Variants in WARS1 observed in about 807,000 individuals in gnomAD.
WARS1 encodes tryptophanyl-tRNA synthetase 1.
In WARS1, 17 loss-of-function variants were observed where a neutral mutation model predicts 47.8. The observed-to-expected ratio is 0.36, with a 90% confidence interval of 0.24 to 0.53. WARS1 has a LOEUF of 0.53. Ranked by LOEUF, WARS1 falls within the 20% of genes least tolerant of loss-of-function variation. The probability of loss-of-function intolerance (pLI) is 0.91; values close to 1 mark genes in which losing one functional copy is unlikely to be tolerated. For synonymous variants in WARS1, 208 were observed against 228.1 expected, an observed-to-expected ratio of 0.91 and a Z score of 0.79; for missense variants, 434 against 608.0, an observed-to-expected ratio of 0.71 and a Z score of 3.01.
chr14:100,356,400 G>GC (rs879770768), intron 4 of WARS1, among the ~76,000 whole-genome samples: 1 of 118,514 alleles, frequency 8.4e-6, no homozygotes, highest in Admixed American at 7.6e-5. Flanking sequence ...TGTGTGTGTG[G>GC]GGGGGGGTGT....
Position 100,336,942 on chromosome 14 carries a change from C to G in WARS1, c.1254+120G>C. The G allele has an allele frequency of 2.9e-6, 4 of 1,387,216 alleles. No individual in the cohort carries two copies. In the South Asian group the frequency reaches 5.7e-5, roughly 20 times the overall value. The allele number at this position is 1,387,216 out of a possible 1,614,324, so 85.9% of individuals were successfully genotyped here. ...GAGGGCGAGTCTACTCAGTTTTCACCTTGTTTCAGTTGAGCACCTCCGACC... is the reference window on the plus strand; with the variant it reads ...GAGGGCGAGTCTACTCAGTTTTCACGTTGTTTCAGTTGAGCACCTCCGACC... On this transcript the variant is annotated intron_variant, in intron 10 of 10. Coordinates refer to ENST00000392882, the MANE Select transcript of WARS1 (RefSeq NM_004184.4).
chr14:100,356,878 C>G (rs913302884), intron 4 of WARS1, among the ~76,000 whole-genome samples: 1 of 152,090 alleles, frequency 6.6e-6, no homozygotes, highest in Non-Finnish European at 1.5e-5. Flanking sequence ...ATGTAAAAAT[C>G]CTCAGCAACT....
At chr14:100,370,009 G>A (rs532996119) in intron 1 of WARS1, among the ~76,000 whole-genome samples, 2 of 152,200 alleles carry the variant, frequency 1.3e-5, no homozygotes, top group Non-Finnish European at 2.9e-5. Flanking sequence ...GAATTCTTGG[G>A]CTTTTGCAGC....
rs186310176 is a variant in WARS1 at position 100,365,558 on chromosome 14, C to A, written c.99+3529G>T. The A allele has an allele frequency of 1.9e-3, 294 of 152,362 alleles. 3 individuals are homozygous for A. Among genetic ancestry groups the A allele is most frequent in the African/African-American group, 8.7e-3 (271 of 31,212 alleles). 9.4% of individuals were successfully genotyped at this position (152,362 alleles called of 1,614,324 possible). A position where few individuals can be genotyped will look rare whatever the true frequency, so the allele number is the denominator to read the frequency against. ...CTGTGCCAGTGCACTCCAGCCTGGG[C>A]GACAGAGTGAGACTCAGCCTCAAAA... On this transcript the variant is annotated intron_variant, in intron 2 of 10. Transcript: ENST00000392882.
intron 2 of WARS1, among the ~76,000 whole-genome samples, chr14:100,363,201 T>C (rs1307829673): frequency 6.6e-6 from 1 of 152,176 alleles, no homozygotes; most frequent in Non-Finnish European, 1.5e-5. Context: ...ACTAGCTTTG[T>C]TGACATTTCA....
At position 100,373,824 on chromosome 14, in the gene WARS1, T is replaced by TTG. The variant is rs59475595; in HGVS notation, c.-74+1457_-74+1458dup. On this transcript the variant is annotated intron_variant, in intron 1 of 10. Coordinates refer to ENST00000392882, the MANE Select transcript of WARS1 (RefSeq NM_004184.4). The surrounding 1 kb of genome is among the most constrained non-coding windows in gnomAD (Gnocchi z 4.4). ...GGGAATCATCCACACTATTGAAATC[T>TTG]TGTGTGTGTGTGTGTGTGTGTGTGT... Among the ~76,000 whole-genome samples, 388 of 148,144 alleles carry TTG rather than the reference T, an allele frequency of 2.6e-3. 2 individuals are homozygous for TTG. The highest frequency in any genetic ancestry group is 2.8e-3 in the Non-Finnish European group (184 of 66,860).
In WARS1 at chr14:100,361,875, C is replaced by G; in HGVS notation, c.146G>C (p.Ser49Thr). 6.2e-7 allele frequency: 1 copy of G among 1,614,194 alleles called. No homozygotes were observed. Among genetic ancestry groups the G allele is most frequent in the South Asian group, 1.1e-5 (1 of 91,092 alleles). The change falls in exon 3 of 11, where the codon AGC (serine) becomes ACC (threonine). Residue 49 changes from serine (S) to threonine (T), a missense_variant. Coordinates refer to ENST00000392882, the MANE Select transcript of WARS1 (RefSeq NM_004184.4). ...AVKMLVSLKMSYKAAAGEDYK... is the reference protein window; with the variant it reads ...AVKMLVSLKMTYKAAAGEDYK... ...ATCCTCCCCCGCGGCAGCTTTGTAG[C>G]TCATTTTTAATGACACCAACATCTT...
chr14:100,361,048 C>T (rs774561787), intron 3 of WARS1, among the ~76,000 whole-genome samples: 1 of 152,038 alleles, frequency 6.6e-6, no homozygotes, highest in African/African-American at 2.4e-5. Context: ...TCATTGACAA[C>T]CATGATTTCT....
At position 100,340,757 on chromosome 14, in the gene WARS1, GGCCCTGTTCTGCCCCACAAGAA is replaced by G. The variant is rs527682653; in HGVS notation, c.1113+1619_1113+1640del. The stretch of plus-strand genomic sequence containing the variant: ...GGGATTTAGAGTGAGGGCCTGGGCG[GGCCCTGTTCTGCCCCACAAGAA>G]GCCTGCAGGCCCAGTGACCGTCTGT... On this transcript the variant is annotated intron_variant, in intron 9 of 10. Transcript: ENST00000392882. Among the ~76,000 whole-genome samples, 465 of 152,210 alleles carry G rather than the reference GGCCCTGTTCTGCCCCACAAGAA, an allele frequency of 3.1e-3. 1 individual carries two copies. Among genetic ancestry groups the G allele is most frequent in the Middle Eastern group, 0.017 (5 of 294 alleles).
intron 7 of WARS1, among the ~76,000 whole-genome samples, chr14:100,345,368 C>T (rs1894529435): frequency 6.6e-6 from 1 of 152,214 alleles, no homozygotes; most frequent in South Asian, 2.1e-4. Flanking sequence ...TTACCCCCAA[C>T]CCTGTGCTCT....
intron 9 of WARS1, chr14:100,341,915 T>G: frequency 5.0e-6 from 1 of 200,444 alleles, no homozygotes; most frequent in African/African-American, 2.3e-5. Context: ...TGGCTGGGCT[T>G]CTCTAAGCCT....
intron 2 of WARS1, among the ~76,000 whole-genome samples, chr14:100,363,283 G>A (rs1209831312): frequency 6.6e-6 from 1 of 151,396 alleles, no homozygotes; most frequent in Non-Finnish European, 1.5e-5. Context: ...CAATGTCCCT[G>A]CTCAAGGACC....
At chr14:100,338,641 C>T (rs1008674319) in intron 9 of WARS1, among the ~76,000 whole-genome samples, 6 of 151,154 alleles carry the variant, frequency 4.0e-5, no homozygotes, top group African/African-American at 1.5e-4. Context: ...ACCATGTTGG[C>T]CAGGCTGGTC....
At position 100,353,692 on chromosome 14, in the gene WARS1, G is replaced by A. The variant is rs1313172330; in HGVS notation, c.720C>T (p.Tyr240=). The part of the protein sequence containing the change: ...NKTFIFSDLD[Y]MGMSSGFYKN... Reference sequence around the variant, plus strand: ...GCCAGACGTTTTCTCCTTACCCCATGTAGTCCAGGTCAGAGAATATGAAAG... The same window carrying A: ...GCCAGACGTTTTCTCCTTACCCCATATAGTCCAGGTCAGAGAATATGAAAG... Residue 240 remains tyrosine, a synonymous_variant, in exon 6 of 11, where the codon TAC becomes TAT. Transcript: ENST00000392882. 1.2e-6 allele frequency: 2 copies of A among 1,613,950 alleles called. No homozygotes were observed. Among genetic ancestry groups the A allele is most frequent in the Non-Finnish European group, 1.7e-6 (2 of 1,179,988 alleles).
intron 4 of WARS1, among the ~76,000 whole-genome samples, chr14:100,355,867 A>G (rs1895276208): frequency 6.6e-6 from 1 of 152,210 alleles, no homozygotes. Flanking sequence ...TTGGAAGGAA[A>G]GAATCCTTCT....
intron 2 of WARS1, among the ~76,000 whole-genome samples, chr14:100,362,204 C>T (rs1345677609): frequency 1.3e-5 from 2 of 152,170 alleles, no homozygotes; most frequent in Admixed American, 6.5e-5. Flanking sequence ...CACTTTGGGA[C>T]AGTAGCAGTG....
chr14:100,334,935 G>C lies in WARS1; in HGVS notation c.1356C>G (p.Val452=), dbSNP rs753004827. 2 of 1,614,184 alleles carry C rather than the reference G, an allele frequency of 1.2e-6. No homozygotes were observed. The highest frequency in any genetic ancestry group is 1.7e-6 in the Non-Finnish European group (2 of 1,180,040). ...TGAACTCTTTCACTATCTCATCCGT[G>C]ACCTCCTTGCGCCGGGCCTGGTGCT... ...IAEHQARRKE[V]TDEIVKEFMT... is the part of the protein sequence containing the mutation. Residue 452 remains valine, a synonymous_variant, in exon 11 of 11, where the codon GTC becomes GTG. Coordinates refer to ENST00000392882, the MANE Select transcript of WARS1 (RefSeq NM_004184.4).
At chr14:100,351,176 A>C (rs1894955374) in intron 6 of WARS1, among the ~76,000 whole-genome samples, 1 of 152,098 alleles carries the variant, frequency 6.6e-6, no homozygotes. Context: ...AGTTTTAGGG[A>C]GATCACTGGC....
At chr14:100,353,476 CTGACCTCG>C (rs1325025137) in intron 6 of WARS1, among the ~76,000 whole-genome samples, 1 of 152,194 alleles carries the variant, frequency 6.6e-6, no homozygotes, top group Non-Finnish European at 1.5e-5. Flanking sequence ...TCTTGAACTC[CTGACCTCG>C]TGACCCGCCC....
Sources: gnomAD v4.1 joint callset for allele counts (sites outside exome capture counted in the v4.1 genomes callset) on GRCh38, gnomAD v4.1.1 for gene constraint, Gnocchi (gnomAD v3.1) non-coding constraint, MANE v1.5 for transcripts, NCBI Gene and HGNC (gene_info 2026-07-23, HGNC 2026-07-21) for gene names.